The following MB21D2 variants were observed in gnomAD, a reference collection of about 807,000 sequenced individuals.
MB21D2 encodes Mab-21 domain containing 2, also known as nucleotidyltransferase MB21D2.
MB21D2 carries 9 observed loss-of-function variants against 33.3 expected under a neutral mutation model. The observed-to-expected ratio is 0.27, with a 90% CI of 0.16 to 0.47. The LOEUF (loss-of-function observed/expected upper bound fraction) is 0.47, where lower values mean the gene tolerates loss of function less well. Among genes scored for constraint, MB21D2 ranks in the 20% least tolerant of loss-of-function variants. The pLI is 0.99. For missense variants in MB21D2, 540 were observed against 624.6 expected (o/e 0.86, Z 1.44); for synonymous variants, 241 against 236.3 (o/e 1.02, Z -0.18).
intron 1 of MB21D2, among the ~76,000 whole-genome samples, chr3:192,843,627 T>C (rs1389474635): frequency 6.6e-6 from 1 of 152,148 alleles, no homozygotes; most frequent in Non-Finnish European, 1.5e-5. Context: ...TACATATAAA[T>C]AGCAAGACAG....
At chr3:192,855,893 C>T (rs142618513) in intron 1 of MB21D2, among the ~76,000 whole-genome samples, 9,279 of 152,176 alleles carry the variant, frequency 0.061, 942 homozygotes, top group African/African-American at 0.21. Context: ...GCCAACATGG[C>T]GAAAGCCCAT....
intron 1 of MB21D2, among the ~76,000 whole-genome samples, chr3:192,906,075 T>G (rs1714210069): frequency 6.6e-6 from 1 of 152,216 alleles, no homozygotes; most frequent in Admixed American, 6.5e-5. Flanking sequence ...TTGTAAATTG[T>G]GGAGGACTAG....
rs201574836 is a variant in MB21D2 at position 192,798,540 on chromosome 3, T to A, written c.1322A>T (p.Gln441Leu). The A allele has an allele frequency of 1.1e-3, 1,783 of 1,614,194 alleles. 47 individuals carry two copies. In the South Asian group the frequency reaches 0.019, roughly 17 times the overall value. ...CTGGTTGGGGTCCCCTCCGTCAGACTGTGGAGAGGGGATGCTGGTGGTGCT... is the reference window on the plus strand; with the variant it reads ...CTGGTTGGGGTCCCCTCCGTCAGACAGTGGAGAGGGGATGCTGGTGGTGCT... ...RGSTTSIPSPQSDGGDPNQPD... is the reference protein window; with the variant it reads ...RGSTTSIPSPLSDGGDPNQPD... Residue 441 changes from glutamine (Q) to leucine (L), a missense_variant, in exon 2 of 2, where the codon CAG becomes CTG. Physicochemically the swap from Gln to Leu is moderately radical, Grantham distance 113 (BLOSUM62 -2). Coordinates refer to ENST00000392452, the MANE Select transcript of MB21D2 (RefSeq NM_178496.4). This position sits in a 1 kb window ranked among gnomAD's most constrained non-coding sequence, Gnocchi z 4.8.
At chr3:192,873,517 G>C (rs1159149688) in intron 1 of MB21D2, among the ~76,000 whole-genome samples, 1 of 152,082 alleles carries the variant, frequency 6.6e-6, no homozygotes, top group African/African-American at 2.4e-5. Flanking sequence ...TAAGGAACAA[G>C]TGAGTTCACC....
At chr3:192,814,928 G>C (rs1711887227) in intron 1 of MB21D2, among the ~76,000 whole-genome samples, 1 of 151,748 alleles carries the variant, frequency 6.6e-6, no homozygotes, top group South Asian at 2.1e-4. Context: ...ACATGGGAAA[G>C]TCATACTTTG....
At chr3:192,849,327 CG>C (rs1170327322) in intron 1 of MB21D2, among the ~76,000 whole-genome samples, 1 of 29,986 alleles carries the variant, frequency 3.3e-5, no homozygotes, top group Non-Finnish European at 8.3e-5. Flanking sequence ...GGGGGGGGGG[CG>C]GGGGGTGGGG....
intron 1 of MB21D2, among the ~76,000 whole-genome samples, chr3:192,832,831 G>A (rs1449651116): frequency 6.6e-6 from 1 of 152,158 alleles, no homozygotes; most frequent in Non-Finnish European, 1.5e-5. Flanking sequence ...TACATCTACT[G>A]ACAGACCTGT....
At chr3:192,893,209 C>T (rs1282338622) in intron 1 of MB21D2, among the ~76,000 whole-genome samples, 1 of 152,188 alleles carries the variant, frequency 6.6e-6, no homozygotes, top group African/African-American at 2.4e-5. Context: ...CCACAGCCAG[C>T]GATGTGGGTT....
intron 1 of MB21D2, among the ~76,000 whole-genome samples, chr3:192,901,542 T>C (rs573531661): frequency 8.9e-6 from 1 of 111,996 alleles, no homozygotes; most frequent in South Asian, 3.0e-4. Context: ...AAGCAGTTAT[T>C]TCACCCCAAC....
At chr3:192,872,667 C>T (rs1043751271) in intron 1 of MB21D2, among the ~76,000 whole-genome samples, 7 of 152,040 alleles carry the variant, frequency 4.6e-5, no homozygotes, top group African/African-American at 7.2e-5. Flanking sequence ...ATGTTCCCTA[C>T]GGGGATGGCT....
intron 1 of MB21D2, among the ~76,000 whole-genome samples, chr3:192,877,219 A>G (rs1713451199): frequency 6.6e-6 from 1 of 152,180 alleles, no homozygotes; most frequent in South Asian, 2.1e-4. Flanking sequence ...TAAAAGATAG[A>G]AGAAATTCCT....
At chr3:192,848,969 C>G (rs946977573) in intron 1 of MB21D2, among the ~76,000 whole-genome samples, 2 of 152,180 alleles carry the variant, frequency 1.3e-5, no homozygotes, top group African/African-American at 4.8e-5. Flanking sequence ...CCCTGGAATT[C>G]CCCAAGTTCT....
chr3:192,812,460 A>C (rs1201594103), intron 1 of MB21D2, among the ~76,000 whole-genome samples: 1 of 152,216 alleles, frequency 6.6e-6, no homozygotes, highest in Non-Finnish European at 1.5e-5. Context: ...AAGCTGAATC[A>C]GTAAATAGAT....
intron 1 of MB21D2, among the ~76,000 whole-genome samples, chr3:192,893,853 T>G (rs1226171087): frequency 6.6e-6 from 1 of 152,078 alleles, no homozygotes; most frequent in African/African-American, 2.4e-5. Context: ...CTGGGCAACA[T>G]AGAGAGACCC....
intron 1 of MB21D2, among the ~76,000 whole-genome samples, chr3:192,901,443 T>C (rs1271781734): frequency 6.7e-6 from 1 of 150,054 alleles, no homozygotes; most frequent in Admixed American, 6.6e-5. Flanking sequence ...AAGACTTTAT[T>C]GCCAGAAAGC....
chr3:192,816,334 T>G (rs1455432141), intron 1 of MB21D2, among the ~76,000 whole-genome samples: 2 of 152,174 alleles, frequency 1.3e-5, no homozygotes, highest in African/African-American at 4.8e-5. Flanking sequence ...TGACATTTTG[T>G]ACACAGACCC....
intron 1 of MB21D2, among the ~76,000 whole-genome samples, chr3:192,900,113 T>A (rs557041853): frequency 6.6e-6 from 1 of 151,582 alleles, no homozygotes; most frequent in South Asian, 2.1e-4. Context: ...TGAAACCCCG[T>A]CTCTACTAAA....
intron 1 of MB21D2, among the ~76,000 whole-genome samples, chr3:192,832,894 G>T (rs904460356): frequency 6.6e-6 from 1 of 152,014 alleles, no homozygotes; most frequent in Non-Finnish European, 1.5e-5. Context: ...TTCCTTTTTT[G>T]CATAGACTGC....
intron 1 of MB21D2, among the ~76,000 whole-genome samples, chr3:192,836,451 C>T (rs1285826775): frequency 2.6e-5 from 4 of 152,150 alleles, no homozygotes; most frequent in Non-Finnish European, 5.9e-5. Context: ...GAAATACAGC[C>T]TTTAAAGAAG....
Sources: allele counts gnomAD v4.1 joint callset (sites outside exome capture counted in the v4.1 genomes callset), GRCh38; gene constraint gnomAD v4.1.1; non-coding constraint Gnocchi (gnomAD v3.1); transcripts MANE v1.5; gene names NCBI Gene and HGNC (gene_info 2026-07-23, HGNC 2026-07-21).